Variants in VWA3B observed in about 807,000 individuals in gnomAD.
The protein encoded by VWA3B is von Willebrand factor A domain-containing protein 3B.
In VWA3B, 138 loss-of-function variants were observed where a neutral mutation model predicts 158.3. The ratio of observed to expected loss-of-function variants is 0.87; its 90% CI spans 0.76 to 1.00. VWA3B has a LOEUF of 1.00. VWA3B is among the 50% of genes least tolerant of loss of function. VWA3B has a pLI of 0.00. For missense variants in VWA3B, 1,555 were observed against 1,565.1 expected, an observed-to-expected ratio of 0.99 and a Z score of 0.11; for synonymous variants, 596 against 587.3, an observed-to-expected ratio of 1.01 and a Z score of -0.21.
chr2:98,214,453 A>G (rs1420698058), intron 13 of VWA3B, among the ~76,000 whole-genome samples: 1 of 152,002 alleles, frequency 6.6e-6, no homozygotes, highest in Non-Finnish European at 1.5e-5. Context: ...ATTCTTTTCT[A>G]CCTTCGTAGA....
chr2:98,194,864 T>C (rs1480955491), intron 12 of VWA3B, among the ~76,000 whole-genome samples: 2 of 152,194 alleles, frequency 1.3e-5, no homozygotes, highest in Non-Finnish European at 2.9e-5. Context: ...CAGCCATTCT[T>C]ATCAATGGGC....
At chr2:98,208,852 A>G (rs1683248262) in intron 12 of VWA3B, among the ~76,000 whole-genome samples, 1 of 152,124 alleles carries the variant, frequency 6.6e-6, no homozygotes, top group Non-Finnish European at 1.5e-5. Context: ...CTTTTTTCTG[A>G]AAGTCCAGGC....
intron 20 of VWA3B, among the ~76,000 whole-genome samples, chr2:98,252,814 A>G (rs1042798506): frequency 6.6e-6 from 1 of 152,160 alleles, no homozygotes; most frequent in African/African-American, 2.4e-5. Flanking sequence ...CAAAACCAAA[A>G]CAAACATAGT....
intron 24 of VWA3B, 65 bp from the exon 25 acceptor site, chr2:98,300,014 T>G: frequency 6.3e-7 from 1 of 1,598,820 alleles, no homozygotes; most frequent in Non-Finnish European, 8.5e-7. Flanking sequence ...TTTTAAAACT[T>G]GCTTATGTTA....
intron 21 of VWA3B, among the ~76,000 whole-genome samples, chr2:98,268,242 GA>G (rs2105877320): frequency 6.6e-6 from 1 of 151,784 alleles, no homozygotes; most frequent in East Asian, 1.9e-4. Context: ...AACAAAAAAA[GA>G]GAATTTTAGA....
downstream of VWA3B, among the ~76,000 whole-genome samples, chr2:98,316,221 A>T (rs1691082398): frequency 6.6e-6 from 1 of 152,230 alleles, no homozygotes; most frequent in Non-Finnish European, 1.5e-5. Flanking sequence ...TAAAACAAGA[A>T]GGCAGTAGGC....
At chr2:98,180,309 A>G (rs1395846518) in intron 8 of VWA3B, among the ~76,000 whole-genome samples, 1 of 152,142 alleles carries the variant, frequency 6.6e-6, no homozygotes, top group African/African-American at 2.4e-5. Context: ...GTTCTGCCTC[A>G]GCCTCCCAAG....
At chr2:98,278,022 G>A (rs957198960) in intron 22 of VWA3B, among the ~76,000 whole-genome samples, 4 of 151,782 alleles carry the variant, frequency 2.6e-5, no homozygotes, top group African/African-American at 9.7e-5. Flanking sequence ...CTGACTAGTC[G>A]GCCTTTCCAA....
At chr2:98,098,297 GA>G (rs1682852640) in intron 2 of VWA3B, among the ~76,000 whole-genome samples, 1 of 152,078 alleles carries the variant, frequency 6.6e-6, no homozygotes, top group African/African-American at 2.4e-5. Context: ...CTGTCCATGT[GA>G]AAGGGCAATA....
intron 2 of VWA3B, among the ~76,000 whole-genome samples, chr2:98,101,152 ATGTAC>A (rs1192947761): frequency 6.6e-6 from 1 of 152,198 alleles, no homozygotes; most frequent in Admixed American, 6.5e-5. Flanking sequence ...TTCAGGGAAA[ATGTAC>A]TGTTTTCCTA....
At chr2:98,289,300 T>C (rs2105944138) in intron 22 of VWA3B, among the ~76,000 whole-genome samples, 1 of 152,370 alleles carries the variant, frequency 6.6e-6, no homozygotes, top group South Asian at 2.1e-4. Context: ...GTCTGTGACT[T>C]GTGCAGACAT....
Position 98,277,030 on chromosome 2 carries a change from G to T in VWA3B, c.3045+6147G>T, listed in dbSNP as rs545840957. On this transcript the variant is annotated intron_variant, in intron 22 of 27. Coordinates refer to ENST00000477737, the MANE Select transcript of VWA3B (RefSeq NM_144992.5). ...TTTTATGCTCCAGCTTCCACGGGCA[G>T]TTCCTGGCTGGCCCAGATGAGACCT... is the stretch of plus-strand genomic sequence containing the variant. Among the ~76,000 whole-genome samples, 4 of 151,872 alleles carry T rather than the reference G, an allele frequency of 2.6e-5. No individual in the cohort carries two copies. In the East Asian group the frequency reaches 7.7e-4, roughly 29 times the overall value.
At position 98,126,550 on chromosome 2, in the gene VWA3B, G is replaced by A. The variant is rs116007689; in HGVS notation, c.703-1689G>A. On this transcript the variant is annotated intron_variant, in intron 5 of 27. Transcript: ENST00000477737. ...GCCGTTTAAATGTGTCTCCCACAAG[G>A]TCATGCATCAGACCAGGAGAAGAGT... 2.0e-3 allele frequency among the ~76,000 whole-genome samples: 307 copies of A among 152,328 alleles called. 1 individual carries two copies. The highest frequency in any genetic ancestry group is 7.2e-3 in the African/African-American group (300 of 41,576).
intron 22 of VWA3B, among the ~76,000 whole-genome samples, chr2:98,284,513 A>T (rs1689055510): frequency 6.6e-6 from 1 of 152,248 alleles, no homozygotes. Flanking sequence ...CAACTGCCTC[A>T]TAAATTAGAG....
chr2:98,173,180 A>C lies in VWA3B; in HGVS notation c.1115-7836A>C, dbSNP rs1679737856. On this transcript the variant is annotated intron_variant, in intron 8 of 27. Transcript: ENST00000477737. ...TCCCTTTTTGCTCAAAGAAGGCTGCAGAAGAGATCTGGGGCAGGGCGCAGC... is the reference window on the plus strand; with the variant it reads ...TCCCTTTTTGCTCAAAGAAGGCTGCCGAAGAGATCTGGGGCAGGGCGCAGC... Among the ~76,000 whole-genome samples the C allele has an allele frequency of 3.9e-5, 6 of 152,368 alleles. No homozygotes were observed. In the South Asian group the frequency reaches 1.2e-3, roughly 32 times the overall value.
At chr2:98,298,401 TC>T (rs1689955159) in intron 24 of VWA3B, among the ~76,000 whole-genome samples, 1 of 149,254 alleles carries the variant, frequency 6.7e-6, no homozygotes, top group Non-Finnish European at 1.5e-5. Context: ...TCTATTCTAT[TC>T]TATTCTATTC....
intron 13 of VWA3B, chr2:98,216,988 C>CACCT: frequency 8.0e-7 from 1 of 1,250,626 alleles, no homozygotes; most frequent in Non-Finnish European, 1.0e-6. Flanking sequence ...AAGCACCCGC[C>CACCT]CCGCACCCAG....
At chr2:98,197,622 A>C (rs1310062495) in intron 12 of VWA3B, among the ~76,000 whole-genome samples, 1 of 152,122 alleles carries the variant, frequency 6.6e-6, no homozygotes, top group Non-Finnish European at 1.5e-5. Context: ...TTATATATTT[A>C]TTTCAATGTG....
intron 6 of VWA3B, among the ~76,000 whole-genome samples, chr2:98,131,494 T>G (rs1397230376): frequency 6.6e-6 from 1 of 152,228 alleles, no homozygotes; most frequent in Non-Finnish European, 1.5e-5. Flanking sequence ...TGTATGGTAG[T>G]TCTATTTTTA....
Sources: allele counts gnomAD v4.1 joint callset (sites outside exome capture counted in the v4.1 genomes callset), GRCh38; gene constraint gnomAD v4.1.1; transcripts MANE v1.5; gene names NCBI Gene and HGNC (gene_info 2026-07-23, HGNC 2026-07-21).